The following DHDH variants were observed in gnomAD, a reference collection of about 807,000 sequenced individuals.
DHDH encodes the protein trans-1,2-dihydrobenzene-1,2-diol dehydrogenase.
DHDH carries 29 observed loss-of-function variants against 33.2 expected under a neutral mutation model. The ratio of observed to expected loss-of-function variants is 0.87; its 90% confidence interval spans 0.65 to 1.19. DHDH has a LOEUF of 1.19. Among genes scored for constraint, DHDH ranks in the 50% most tolerant of loss-of-function variants. The pLI is 0.00. For missense variants in DHDH, 431 were observed against 455.0 expected (o/e 0.95, Z 0.48); for synonymous variants, 201 against 187.9 (o/e 1.07, Z -0.57).
chr19:48,936,494 A>T (rs1038709816), intron 3 of DHDH, among the ~76,000 whole-genome samples: 9 of 151,992 alleles, frequency 5.9e-5, no homozygotes, highest in African/African-American at 2.2e-4. Flanking sequence ...CAGGAGATCG[A>T]GACCGTCCTG....
Position 48,935,129 on chromosome 19 carries a change from TG to T in DHDH, c.202+23del. The T allele has an allele frequency of 1.3e-6, 2 of 1,527,012 alleles. No homozygotes were observed. The highest frequency in any genetic ancestry group is 1.4e-5 in the African/African-American group (1 of 72,784). The allele number at this position is 1,527,012 out of a possible 1,614,324, so 94.6% of individuals were successfully genotyped here. On this transcript the variant is annotated intron_variant, in intron 2 of 6. Transcript: ENST00000221403. ...GAGCGTGGGTGAGTGGCGAGGGCGA[TG>T]GGGGTGCTGGCCGCCGCCCCTGGAG...
At chr19:48,933,490 C>T (rs915703500), upstream of DHDH, among the ~76,000 whole-genome samples, 2 of 152,188 alleles carry the variant, frequency 1.3e-5, no homozygotes, top group Admixed American at 6.6e-5. Flanking sequence ...GGTAAGAGAT[C>T]TGTAGAAGCG....
Position 48,939,536 on chromosome 19 carries a change from G to A in DHDH, c.454G>A (p.Ala152Thr). 3 of 1,614,100 alleles carry A rather than the reference G, an allele frequency of 1.9e-6. No individual in the cohort carries two copies. The highest frequency in any genetic ancestry group is 3.3e-4 in the Middle Eastern group (2 of 6,062). Residue 152 changes from alanine (A) to threonine (T), a missense_variant, in exon 4 of 7, where the codon GCA becomes ACA. By Grantham distance (58) the Ala-to-Thr change is moderately conservative (BLOSUM62 0). Transcript: ENST00000221403. ...TCTAGGAGACCTCCGGGTGGCTCGG[G>A]CAGAATTTGGGAAGAATCTCATCCA... ...GTLGDLRVAR[A>T]EFGKNLIHVP...
At chr19:48,941,673 G>C (rs1013479266) in intron 4 of DHDH, among the ~76,000 whole-genome samples, 1 of 148,836 alleles carries the variant, frequency 6.7e-6, no homozygotes, top group African/African-American at 2.5e-5. Flanking sequence ...ATGAACCACC[G>C]GCTTTTTTTT....
chr19:48,938,128 T>C (rs544763055), intron 3 of DHDH, among the ~76,000 whole-genome samples: 17 of 152,144 alleles, frequency 1.1e-4, no homozygotes, highest in Admixed American at 3.3e-4. Flanking sequence ...GACAGAGTCT[T>C]GCTCTGTCGC....
At chr19:48,933,929 T>A in intron 1 of DHDH, 118 bp downstream of exon 1, 1 of 867,276 alleles carries the variant, frequency 1.2e-6, no homozygotes, top group Non-Finnish European at 1.8e-6. Context: ...CAGTGAAACG[T>A]CTGTTTCCTT....
chr19:48,939,761 C>T (rs901419234), intron 4 of DHDH, 60 bp downstream of exon 4: 1 of 1,519,536 alleles, frequency 6.6e-7, no homozygotes, highest in Non-Finnish European at 8.8e-7. Context: ...TCTGGGAGCA[C>T]TGAACTGAGG....
At chr19:48,944,674 T>G in intron 6 of DHDH, 150 bp from the exon 7 acceptor site, 2 of 1,197,676 alleles carry the variant, frequency 1.7e-6, no homozygotes, top group Non-Finnish European at 2.4e-6. Context: ...AGACTCTCAC[T>G]CCAAAAAAAG....
chr19:48,942,091 T>TCCGCCTCCCACGTTCACGCC (rs2037871465), intron 4 of DHDH, among the ~76,000 whole-genome samples: 1 of 151,440 alleles, frequency 6.6e-6, no homozygotes, highest in Non-Finnish European at 1.5e-5. Context: ...CACTTCAAGC[T>TCCGCCTCCCACGTTCACGCC]CCGCCTCCCA....
intron 3 of DHDH, among the ~76,000 whole-genome samples, chr19:48,938,032 C>T (rs1327887762): frequency 6.6e-6 from 1 of 151,966 alleles, no homozygotes; most frequent in African/African-American, 2.4e-5. Context: ...TTTGTTCATC[C>T]CTTGGTTGCC....
upstream of DHDH, chr19:48,933,692 C>G (rs762931606): frequency 1.9e-6 from 3 of 1,611,330 alleles, no homozygotes; most frequent in South Asian, 2.2e-5. Flanking sequence ...CTGGAGGGAC[C>G]GAAGGTGCCG....
chr19:48,934,159 G>A (rs1440056756), intron 1 of DHDH, among the ~76,000 whole-genome samples: 1 of 152,178 alleles, frequency 6.6e-6, no homozygotes, highest in Non-Finnish European at 1.5e-5. Flanking sequence ...ATGGATTTAG[G>A]GCTTTGCAGG....
chr19:48,944,779 T>G (rs1320271900), intron 6 of DHDH, 45 bp from the exon 7 acceptor site: 1 of 1,547,842 alleles, frequency 6.5e-7, no homozygotes, highest in African/African-American at 1.4e-5. Context: ...CTTTGGGTCT[T>G]GGGCGCGTGG....
chr19:48,943,716 C>T (rs189587716), intron 5 of DHDH, among the ~76,000 whole-genome samples: 3 of 152,052 alleles, frequency 2.0e-5, no homozygotes, highest in Admixed American at 2.0e-4. Context: ...ATCCCAGCTA[C>T]TCAGGAGGCT....
intron 5 of DHDH, 51 bp downstream of exon 5, chr19:48,942,615 G>T: frequency 6.3e-7 from 1 of 1,581,200 alleles, no homozygotes; most frequent in South Asian, 1.1e-5. Flanking sequence ...AAAATAGGAG[G>T]GGGACAAATG....
Position 48,942,572 on chromosome 19 carries a change from A to G in DHDH, c.744+8A>G. 1.2e-6 allele frequency: 2 copies of G among 1,609,614 alleles called. No homozygotes were observed. Among genetic ancestry groups the G allele is most frequent in the African/African-American group, 1.3e-5 (1 of 74,998 alleles). Reference sequence around the variant, plus strand: ...ACCAAGGGCATGGTACAGGTGAGGCATGGCGGGCCCAAGCGCTGGGGATCG... The same window carrying G: ...ACCAAGGGCATGGTACAGGTGAGGCGTGGCGGGCCCAAGCGCTGGGGATCG... On this transcript the variant is annotated splice_region_variant and intron_variant, in intron 5 of 6. Transcript: ENST00000221403.
rs775169175 is a variant in DHDH, at chr19:48,944,965, T to C, written c.*32T>C. The C allele has an allele frequency of 1.3e-6, 2 of 1,595,900 alleles. No individual in the cohort carries two copies. The highest frequency in any genetic ancestry group is 1.7e-6 in the Non-Finnish European group (2 of 1,164,112). The stretch of plus-strand genomic sequence containing the variant: ...CCCGAATAAATAAAGACATCTTACA[T>C]CTTCGTGGTAGTGGTTTGGCAGAAG... On this transcript the variant is annotated 3_prime_UTR_variant, in exon 7 of 7. Coordinates refer to ENST00000221403, the MANE Select transcript of DHDH (RefSeq NM_014475.4).
At position 48,942,422 on chromosome 19, in the gene DHDH, C is replaced by G; in HGVS notation, c.620-18C>G. ...TCTGCCCTGAGAGACCCTGCCCTGA[C>G]CCAGGACTTCCCTCCAGGTGTGGAT... On this transcript the variant is annotated intron_variant, in intron 4 of 6. Transcript: ENST00000221403. 6.3e-7 allele frequency: 1 copy of G among 1,592,342 alleles called. No homozygotes were observed. Among genetic ancestry groups the G allele is most frequent in the Non-Finnish European group, 8.6e-7 (1 of 1,165,220 alleles).
chr19:48,936,234 G>A (rs2037773737), intron 3 of DHDH, 39 bp downstream of exon 3: 5 of 1,530,156 alleles, frequency 3.3e-6, no homozygotes, highest in Non-Finnish European at 4.4e-6. Flanking sequence ...CAGCGTAAAA[G>A]TGCTTGCCAT....
Sources: allele counts gnomAD v4.1 joint callset (sites outside exome capture counted in the v4.1 genomes callset), GRCh38; gene constraint gnomAD v4.1.1; transcripts MANE v1.5; gene names NCBI Gene and HGNC (gene_info 2026-07-23, HGNC 2026-07-21).